The following ATR variants were observed in gnomAD, a reference collection of about 807,000 sequenced individuals.
ATR encodes the protein serine/threonine-protein kinase ATR.
ATR carries 142 observed loss-of-function variants against 305.3 expected under a neutral mutation model. The ratio of observed to expected loss-of-function variants is 0.47; its 90% confidence interval spans 0.41 to 0.53. ATR has a LOEUF of 0.53. Among genes scored for constraint, ATR ranks in the 20% least tolerant of loss-of-function variants. The pLI is 0.00. For missense variants in ATR, 2,135 were observed against 3,133.1 expected (o/e 0.68, Z 7.60); for synonymous variants, 1,050 against 1,068.1 (o/e 0.98, Z 0.33).
In ATR at chr3:142,578,628, G is replaced by C. The variant is rs1440455882; in HGVS notation, c.59+18C>G. 9 of 1,609,720 alleles carry C rather than the reference G, an allele frequency of 5.6e-6. No homozygotes were observed. Among genetic ancestry groups the C allele is most frequent in the Non-Finnish European group, 6.8e-6 (8 of 1,178,258 alleles). Reference sequence around the variant, plus strand: ...TCAGCGGAGGAGGATGCAGGACCCAGGCTGGGCCTAGCCCTACCTGCCCAG... The same window carrying C: ...TCAGCGGAGGAGGATGCAGGACCCACGCTGGGCCTAGCCCTACCTGCCCAG... On this transcript the variant is annotated intron_variant, in intron 1 of 46. Coordinates refer to ENST00000350721, the MANE Select transcript of ATR (RefSeq NM_001184.4).
chr3:142,552,637 T>C (rs1452663169), intron 13 of ATR, among the ~76,000 whole-genome samples: 3 of 124,712 alleles, frequency 2.4e-5, no homozygotes, highest in East Asian at 2.3e-4. Flanking sequence ...ACCATTGCAC[T>C]CCAGCCTGGA....
chr3:142,578,617 T>C, intron 1 of ATR, 29 bp downstream of exon 1: 1 of 1,606,430 alleles, frequency 6.2e-7, no homozygotes, highest in Non-Finnish European at 8.5e-7. Flanking sequence ...CGGAGGAGGA[T>C]GCAGGACCCA....
At chr3:142,560,598 T>C in intron 5 of ATR, 144 bp from the exon 6 acceptor site, 1 of 638,598 alleles carries the variant, frequency 1.6e-6, no homozygotes, top group South Asian at 2.0e-5. Flanking sequence ...TCTCACTCTG[T>C]CTCCCAGGCT....
chr3:142,489,693 GT>G (rs1273269340), intron 35 of ATR, among the ~76,000 whole-genome samples: 3 of 152,206 alleles, frequency 2.0e-5, no homozygotes. Flanking sequence ...GTACCAGTTT[GT>G]TTACCCATTC....
chr3:142,496,467 G>A lies in ATR; in HGVS notation c.5792C>T (p.Ala1931Val). 1.2e-6 allele frequency: 2 copies of A among 1,612,350 alleles called. No individual in the cohort carries two copies. The highest frequency in any genetic ancestry group is 2.7e-5 in the African/African-American group (2 of 74,520). The change falls in exon 34 of 47, where the codon GCT (alanine) becomes GTT (valine). Residue 1931 changes from alanine to valine, a missense_variant. Physicochemically the swap from Ala to Val is moderately conservative, Grantham distance 64. Transcript: ENST00000350721. The part of the protein sequence containing the change: ...GECWLQSARV[A>V]RKAGHHQTAY... The stretch of plus-strand genomic sequence containing the variant: ...TGTCTGGTGGTGACCAGCCTTTCTA[G>A]CTACCCTGGCACTCTGCAGCCAGCA...
intron 36 of ATR, among the ~76,000 whole-genome samples, chr3:142,471,865 G>T (rs1008759611): frequency 1.3e-5 from 2 of 151,874 alleles, no homozygotes; most frequent in African/African-American, 4.8e-5. Flanking sequence ...TATGTCCTTT[G>T]ACCAACATCT....
At chr3:142,552,853 C>T (rs551793664) in intron 13 of ATR, among the ~76,000 whole-genome samples, 1 of 151,470 alleles carries the variant, frequency 6.6e-6, no homozygotes, top group African/African-American at 2.4e-5. Context: ...CAAACTAACA[C>T]AGGAACAGAA....
chr3:142,510,724 C>T (rs958051648), intron 27 of ATR, among the ~76,000 whole-genome samples: 1 of 151,620 alleles, frequency 6.6e-6, no homozygotes, highest in Non-Finnish European at 1.5e-5. Flanking sequence ...AGCCTGAAAG[C>T]CTGAAGGAAA....
chr3:142,493,721 A>C (rs563200267), intron 34 of ATR, among the ~76,000 whole-genome samples: 472 of 152,174 alleles, frequency 3.1e-3, no homozygotes, highest in African/African-American at 0.011. Flanking sequence ...TTTAAAAATT[A>C]CCCAGGTGTA....
intron 21 of ATR, among the ~76,000 whole-genome samples, chr3:142,534,324 C>T (rs1366821620): frequency 1.3e-5 from 2 of 152,118 alleles, no homozygotes; most frequent in Admixed American, 1.3e-4. Context: ...ACACTGGCTG[C>T]TACCCACATT....
intron 24 of ATR, among the ~76,000 whole-genome samples, chr3:142,517,112 T>C (rs2032901882): frequency 6.6e-6 from 1 of 151,322 alleles, no homozygotes. Flanking sequence ...CTATTTTGAA[T>C]CATCACGCGT....
chr3:142,493,587 G>A (rs2108326629), intron 34 of ATR, among the ~76,000 whole-genome samples: 1 of 152,282 alleles, frequency 6.6e-6, no homozygotes, highest in Non-Finnish European at 1.5e-5. Flanking sequence ...ATTAGGAATG[G>A]CTGGGCACAG....
At chr3:142,451,330 C>A in intron 46 of ATR, 10 of 1,287,030 alleles carry the variant, frequency 7.8e-6, no homozygotes, top group Non-Finnish European at 1.0e-5. Flanking sequence ...GCCAGTGTTG[C>A]AACAAAAAAT....
intron 14 of ATR, 152 bp from the exon 15 acceptor site, chr3:142,549,825 C>T (rs2034409964): frequency 2.6e-6 from 2 of 767,370 alleles, no homozygotes; most frequent in Non-Finnish European, 4.2e-6. Context: ...ATTTATACCA[C>T]TATAATTTTA....
chr3:142,496,314 A>ATT (rs761615149), intron 34 of ATR, 47 bp downstream of exon 34: 1 of 200,722 alleles, frequency 5.0e-6, no homozygotes, highest in African/African-American at 3.7e-5. Flanking sequence ...ATATATATAT[A>ATT]TATATATATA....
In ATR at chr3:142,522,776, C is replaced by T. The variant is rs770181975; in HGVS notation, c.4218G>A (p.Ala1406=). 57 of 1,613,534 alleles carry T rather than the reference C, an allele frequency of 3.5e-5. No individual in the cohort carries two copies. The South Asian group carries it at 3.7e-4, about 11-fold the overall frequency. ...LLMELTRAYL[A]YADNSRAQDS... ...CTTGAGCTCGGCTATTATCAGCATA[C>T]GCAAGGTAAGCTCTTGTTAGCTCCA... Residue 1406 remains alanine, a synonymous_variant, in exon 23 of 47, where the codon GCG becomes GCA. Coordinates refer to ENST00000350721, the MANE Select transcript of ATR (RefSeq NM_001184.4).
intron 45 of ATR, among the ~76,000 whole-genome samples, chr3:142,455,114 T>C (rs2108253441): frequency 6.6e-6 from 1 of 152,240 alleles, no homozygotes; most frequent in South Asian, 2.1e-4. Flanking sequence ...TATATATCTA[T>C]GCACTAGCAA....
At position 142,515,490 on chromosome 3, in the gene ATR, C is replaced by T. The variant is rs1482290072; in HGVS notation, c.4408G>A (p.Asp1470Asn). ...TRYKSSQKST[D>N]WSGVKKPIYL... The stretch of plus-strand genomic sequence containing the variant: ...ATTGGCTTCTTTACTCCAGACCAAT[C>T]GGTTGACTTCTGAGAACTCTTGTAT... Residue 1470 changes from aspartate (D) to asparagine (N), a missense_variant, in exon 25 of 47, where the codon GAT (aspartate) becomes AAT (asparagine). By Grantham distance (23) the Asp-to-Asn change is conservative. Coordinates refer to ENST00000350721, the MANE Select transcript of ATR (RefSeq NM_001184.4). The T allele has an allele frequency of 5.0e-6, 8 of 1,611,512 alleles. No homozygotes were observed. Among genetic ancestry groups the T allele is most frequent in the South Asian group, 1.1e-5 (1 of 91,024 alleles).
At chr3:142,523,969 T>A (rs1372558045) in intron 22 of ATR, 24 bp downstream of exon 22, 1 of 1,602,620 alleles carries the variant, frequency 6.2e-7, no homozygotes, top group Admixed American at 1.7e-5. Flanking sequence ...AACTCTTTTG[T>A]CATTCCAAAT....
Sources: allele counts gnomAD v4.1 joint callset (sites outside exome capture counted in the v4.1 genomes callset), GRCh38; gene constraint gnomAD v4.1.1; transcripts MANE v1.5; gene names NCBI Gene and HGNC (gene_info 2026-07-23, HGNC 2026-07-21).